The following DDX21 variants were observed in gnomAD, a reference collection of about 807,000 sequenced individuals.
The protein encoded by DDX21 is DExD-box helicase 21.
Under a neutral mutation model 90.0 loss-of-function variants are expected in DDX21, and 18 were observed. The observed-to-expected ratio is 0.20, with a 90% CI of 0.14 to 0.30. The LOEUF (loss-of-function observed/expected upper bound fraction) is 0.30, where lower values mean the gene tolerates loss of function less well. DDX21 is among the 10% of genes least tolerant of loss of function. The pLI is 1.00. For synonymous variants in DDX21, 294 were observed against 318.0 expected, an observed-to-expected ratio of 0.92 and a Z score of 0.80; for missense variants, 673 against 944.5, an observed-to-expected ratio of 0.71 and a Z score of 3.77.
Position 68,972,960 on chromosome 10 carries a change from G to A in DDX21, c.1549-585G>A, listed in dbSNP as rs187275161. Among the ~76,000 whole-genome samples, 166 of 152,224 alleles carry A rather than the reference G, an allele frequency of 1.1e-3. 1 individual carries two copies. Among genetic ancestry groups the A allele is most frequent in the Middle Eastern group, 0.01 (3 of 294 alleles). On this transcript the variant is annotated intron_variant, in intron 9 of 14. Coordinates refer to ENST00000354185, the MANE Select transcript of DDX21 (RefSeq NM_004728.4). ...AGCACCTTGGGCGGCTGAGGCAAAC[G>A]AATCACTTAAGGTCAGGAGTTCGAG... is the stretch of plus-strand genomic sequence containing the variant.
intron 1 of DDX21, among the ~76,000 whole-genome samples, chr10:68,958,379 C>T (rs138484830): frequency 0.012 from 1,780 of 152,180 alleles, 35 homozygotes; most frequent in African/African-American, 0.04. Flanking sequence ...AGCAATCCTC[C>T]CACCTCAGCC....
Position 68,984,512 on chromosome 10 carries a change from C to G in DDX21, c.*1700C>G, listed in dbSNP as rs1843240014. On this transcript the variant is annotated 3_prime_UTR_variant, in exon 15 of 15. Transcript: ENST00000354185. ...ACCCTTGTTCCTCATGGCTTCCCAT[C>G]AAGCCATGGGTATTAGGTGACAGTG... The G allele has an allele frequency of 6.6e-6, 1 of 152,226 alleles. No homozygotes were observed. Among genetic ancestry groups the G allele is most frequent in the South Asian group, 2.1e-4 (1 of 4,838 alleles). The allele number at this position is 152,226 out of a possible 1,614,324, so 9.4% of individuals were successfully genotyped here.
At position 68,984,551 on chromosome 10, in the gene DDX21, T is replaced by G. The variant is rs1010884061; in HGVS notation, c.*1739T>G. On this transcript the variant is annotated 3_prime_UTR_variant, in exon 15 of 15. Transcript: ENST00000354185. ...TAGGTGACAGTGTAATTTATTAGATTCTGGTTTTGCCCAAATACTGGGCAT... is the reference window on the plus strand; with the variant it reads ...TAGGTGACAGTGTAATTTATTAGATGCTGGTTTTGCCCAAATACTGGGCAT... 6.6e-6 allele frequency: 1 copy of G among 152,206 alleles called. No homozygotes were observed. Among genetic ancestry groups the G allele is most frequent in the African/African-American group, 2.4e-5 (1 of 41,444 alleles). 9.4% of individuals were successfully genotyped at this position (152,206 alleles called of 1,614,324 possible). A position where few individuals can be genotyped will look rare whatever the true frequency, so the allele number is the denominator to read the frequency against.
At chr10:68,957,114 G>C (rs1254162841) in intron 1 of DDX21, among the ~76,000 whole-genome samples, 1 of 152,094 alleles carries the variant, frequency 6.6e-6, no homozygotes, top group African/African-American at 2.4e-5. Flanking sequence ...TGCGCACGTG[G>C]GCCGCGTCTT....
chr10:68,977,485 T>C (rs1843118498), intron 11 of DDX21, 44 bp from the exon 12 acceptor site: 2 of 1,517,012 alleles, frequency 1.3e-6, no homozygotes, highest in Admixed American at 2.1e-5. Context: ...ATGAAATGTG[T>C]CCACTTCTAG....
chr10:68,978,764 A>T, intron 12 of DDX21, 78 bp from the exon 13 acceptor site: 2 of 1,520,488 alleles, frequency 1.3e-6, no homozygotes, highest in Non-Finnish European at 1.8e-6. Context: ...GAAATATTTT[A>T]GAATCACAAA....
Position 68,956,190 on chromosome 10 carries a change from G to A in DDX21, c.-36G>A, listed in dbSNP as rs1184904413. ...ACTACCTCTTCCTCTCCACGCGGTT[G>A]AGAAGACCGGTCGGCCTGGGCAACC... is the stretch of plus-strand genomic sequence containing the variant. On this transcript the variant is annotated 5_prime_UTR_variant, in exon 1 of 15. Coordinates refer to ENST00000354185, the MANE Select transcript of DDX21 (RefSeq NM_004728.4). 1.9e-6 allele frequency: 3 copies of A among 1,610,116 alleles called. No homozygotes were observed. The highest frequency in any genetic ancestry group is 4.5e-5 in the East Asian group (2 of 44,838).
chr10:68,969,189 G>A, intron 7 of DDX21, 68 bp downstream of exon 7: 1 of 1,429,990 alleles, frequency 7.0e-7, no homozygotes, highest in East Asian at 2.4e-5. Flanking sequence ...TTAGTATTAA[G>A]ACTGGCAAAT....
Position 68,956,322 on chromosome 10 carries a change from A to G in DDX21, c.87+10A>G, listed in dbSNP as rs1842792848. On this transcript the variant is annotated intron_variant, in intron 1 of 14. Transcript: ENST00000354185. ...AAAGCAAACCGAGGAGGTGAAACGG[A>G]GGGACCTGGGGCCAGGAGGGACGCT... is the stretch of plus-strand genomic sequence containing the variant. 1.2e-6 allele frequency: 2 copies of G among 1,614,068 alleles called. No homozygotes were observed. The highest frequency in any genetic ancestry group is 2.2e-5 in the East Asian group (1 of 44,872).
intron 8 of DDX21, 103 bp downstream of exon 8, chr10:68,970,453 GT>G: frequency 1.0e-6 from 1 of 963,178 alleles, no homozygotes; most frequent in Non-Finnish European, 1.4e-6. Flanking sequence ...GTGAATACCA[GT>G]TTAGTTTAGT....
At chr10:68,970,655 TTTTC>T (rs1046755492) in intron 8 of DDX21, among the ~76,000 whole-genome samples, 3 of 151,906 alleles carry the variant, frequency 2.0e-5, no homozygotes, top group African/African-American at 7.3e-5. Context: ...TAATTTTGTT[TTTTC>T]TTTATTTTTT....
chr10:68,979,073 C>T, intron 13 of DDX21, 97 bp downstream of exon 13: 2 of 1,498,876 alleles, frequency 1.3e-6, no homozygotes, highest in African/African-American at 2.8e-5. Context: ...GATGCTGCAT[C>T]TCTTCACTCT....
intron 13 of DDX21, 94 bp downstream of exon 13, chr10:68,979,070 C>G (rs1843150007): frequency 4.6e-6 from 7 of 1,512,904 alleles, no homozygotes; most frequent in Non-Finnish European, 6.3e-6. Flanking sequence ...GGGGATGCTG[C>G]ATCTCTTCAC....
At chr10:68,981,624 G>A (rs1405930821) in intron 14 of DDX21, 43 bp downstream of exon 14, 3 of 1,435,194 alleles carry the variant, frequency 2.1e-6, no homozygotes, top group African/African-American at 2.8e-5. Flanking sequence ...TACCTAAATT[G>A]TAGAATGTTA....
intron 6 of DDX21, among the ~76,000 whole-genome samples, chr10:68,968,431 G>T (rs752571428): frequency 6.4e-4 from 97 of 152,290 alleles, no homozygotes; most frequent in Non-Finnish European, 1.3e-3. Context: ...GGAATTACAG[G>T]CATGAGCCAC....
At position 68,964,244 on chromosome 10, in the gene DDX21, TG is replaced by T. The variant is rs552355791; in HGVS notation, c.786+776del. On this transcript the variant is annotated intron_variant, in intron 4 of 14. Transcript: ENST00000354185. ...TTAACAAACATTAACCTCATTGAAA[TG>T]ACTGCGAATGCCCATGTAGTCACTT... 26 of 265,602 alleles carry T rather than the reference TG, an allele frequency of 9.8e-5. No individual in the cohort carries two copies. The Middle Eastern group carries it at 1.3e-3, about 13-fold the overall frequency. The allele number at this position is 265,602 out of a possible 1,614,324, so 16.5% of individuals were successfully genotyped here.
At chr10:68,959,268 T>G (rs2132078187) in intron 1 of DDX21, among the ~76,000 whole-genome samples, 1 of 151,938 alleles carries the variant, frequency 6.6e-6, no homozygotes, top group African/African-American at 2.4e-5. Flanking sequence ...CCGGAGTGGG[T>G]GGGTTGCCTG....
At position 68,982,877 on chromosome 10, in the gene DDX21, T is replaced by A; in HGVS notation, c.*65T>A. 1.3e-6 allele frequency: 2 copies of A among 1,571,494 alleles called. No individual in the cohort carries two copies. The highest frequency in any genetic ancestry group is 1.7e-6 in the Non-Finnish European group (2 of 1,156,204). The stretch of plus-strand genomic sequence containing the variant: ...TTTGGCAATATAGAACTGAACATTA[T>A]TTTTCATGCAAAGTTAAAAGCACAT... On this transcript the variant is annotated 3_prime_UTR_variant, in exon 15 of 15. Coordinates refer to ENST00000354185, the MANE Select transcript of DDX21 (RefSeq NM_004728.4).
chr10:68,982,845 A>AATGATGTTTGGCAAT lies in DDX21; in HGVS notation c.*36_*50dup, dbSNP rs1564631403. Reference sequence around the variant, plus strand: ...TAGAAGATTTATATAGCAAAAAGAGAATGATGTTTGGCAATATAGAACTGA... The same window carrying AATGATGTTTGGCAAT: ...TAGAAGATTTATATAGCAAAAAGAGAATGATGTTTGGCAATATGATGTTTGGCAATATAGAACTGA... On this transcript the variant is annotated 3_prime_UTR_variant, in exon 15 of 15. Transcript: ENST00000354185. 6.2e-7 allele frequency: 1 copy of AATGATGTTTGGCAAT among 1,608,700 alleles called. No individual in the cohort carries two copies. Among genetic ancestry groups the AATGATGTTTGGCAAT allele is most frequent in the African/African-American group, 1.3e-5 (1 of 74,726 alleles).
Sources: allele counts gnomAD v4.1 joint callset (sites outside exome capture counted in the v4.1 genomes callset), GRCh38; gene constraint gnomAD v4.1.1; transcripts MANE v1.5; gene names NCBI Gene and HGNC (gene_info 2026-07-23, HGNC 2026-07-21).